The following CCBE1 variants were observed in gnomAD, a reference collection of about 807,000 sequenced individuals.
CCBE1 encodes collagen and calcium-binding EGF domain-containing protein 1.
A neutral mutation model predicts 50.0 loss-of-function variants in CCBE1; 37 were observed. The ratio of observed to expected loss-of-function variants is 0.74; its 90% CI spans 0.57 to 0.97. The LOEUF (loss-of-function observed/expected upper bound fraction) is 0.97. Among genes scored for constraint, CCBE1 ranks in the 50% least tolerant of loss-of-function variants. The pLI is 0.00. For synonymous variants in CCBE1, 234 were observed against 203.7 expected (o/e 1.15, Z -1.27); for missense variants, 538 against 523.8 (o/e 1.03, Z -0.26).
At chr18:59,473,658 A>C (rs1430759376) in intron 3 of CCBE1, among the ~76,000 whole-genome samples, 1 of 133,706 alleles carries the variant, frequency 7.5e-6, no homozygotes, top group Non-Finnish European at 1.6e-5. Flanking sequence ...CAACCCTCCC[A>C]CTATTTCCGC....
At chr18:59,613,999 G>GA (rs1287479271) in intron 2 of CCBE1, among the ~76,000 whole-genome samples, 3 of 150,214 alleles carry the variant, frequency 2.0e-5, no homozygotes, top group African/African-American at 7.3e-5. Flanking sequence ...TCAGCCACCT[G>GA]AGTACCTGGG....
intron 2 of CCBE1, among the ~76,000 whole-genome samples, chr18:59,510,278 C>CTA (rs1458539985): frequency 6.6e-6 from 1 of 152,122 alleles, no homozygotes; most frequent in Non-Finnish European, 1.5e-5. Context: ...GAGCAGGGTG[C>CTA]TATGTTTATT....
intron 2 of CCBE1, among the ~76,000 whole-genome samples, chr18:59,523,063 C>T (rs1240548465): frequency 1.3e-5 from 2 of 150,572 alleles, no homozygotes; most frequent in East Asian, 1.9e-4. Context: ...ATTCAAAAAC[C>T]TGCTGTACTC....
chr18:59,620,538 C>T (rs2053698351), intron 2 of CCBE1, among the ~76,000 whole-genome samples: 1 of 152,034 alleles, frequency 6.6e-6, no homozygotes, highest in African/African-American at 2.4e-5. Context: ...GTGTCCCCAC[C>T]CAAATTCCAT....
At chr18:59,569,621 TC>T (rs202011024) in intron 2 of CCBE1, among the ~76,000 whole-genome samples, 2,651 of 135,256 alleles carry the variant, frequency 0.02, 63 homozygotes, top group African/African-American at 0.07. Context: ...GCAATTCATC[TC>T]CCCCCGCCCT....
At chr18:59,467,460 T>G (rs1911805673) in intron 4 of CCBE1, among the ~76,000 whole-genome samples, 1 of 152,126 alleles carries the variant, frequency 6.6e-6, no homozygotes, top group Non-Finnish European at 1.5e-5. Flanking sequence ...ATAGTCATAA[T>G]GGGTCTAATG....
chr18:59,485,584 A>ATATTTATTTATT (rs60888501), intron 2 of CCBE1, among the ~76,000 whole-genome samples: 6,448 of 140,826 alleles, frequency 0.046, 183 homozygotes, highest in Middle Eastern at 0.069. Flanking sequence ...GATATATCAG[A>ATATTTATTTATT]TATTTATTTA....
intron 2 of CCBE1, among the ~76,000 whole-genome samples, chr18:59,641,422 A>G (rs1304867671): frequency 1.3e-5 from 2 of 152,118 alleles, no homozygotes; most frequent in East Asian, 3.9e-4. Flanking sequence ...CAAATAAGGG[A>G]ACAACAGACT....
At chr18:59,543,956 AAAATGTC>A (rs1915585318) in intron 2 of CCBE1, among the ~76,000 whole-genome samples, 1 of 152,180 alleles carries the variant, frequency 6.6e-6, no homozygotes, top group African/African-American at 2.4e-5. Context: ...CCTTTCATGC[AAAATGTC>A]AAATTTCAAA....
At chr18:59,589,146 T>G (rs527979687) in intron 2 of CCBE1, among the ~76,000 whole-genome samples, 1 of 151,820 alleles carries the variant, frequency 6.6e-6, no homozygotes, top group South Asian at 2.1e-4. Context: ...AAAGGGAGAG[T>G]GAATCTCTTT....
intron 2 of CCBE1, among the ~76,000 whole-genome samples, chr18:59,621,514 C>T (rs1454941847): frequency 6.6e-6 from 1 of 152,208 alleles, no homozygotes; most frequent in African/African-American, 2.4e-5. Context: ...ATAACCCCCA[C>T]TAATAATTGC....
At chr18:59,504,588 G>A (rs1440454681) in intron 2 of CCBE1, among the ~76,000 whole-genome samples, 1 of 152,122 alleles carries the variant, frequency 6.6e-6, no homozygotes, top group Non-Finnish European at 1.5e-5. Flanking sequence ...AAATAAAGAT[G>A]GGGGCAGAGA....
intron 2 of CCBE1, among the ~76,000 whole-genome samples, chr18:59,534,961 T>C (rs985819866): frequency 6.6e-6 from 1 of 152,202 alleles, no homozygotes; most frequent in Non-Finnish European, 1.5e-5. Context: ...AATTCCCAAA[T>C]TGAAAACTAT....
chr18:59,603,654 C>T (rs886260110), intron 2 of CCBE1, among the ~76,000 whole-genome samples: 1 of 152,176 alleles, frequency 6.6e-6, no homozygotes, highest in Non-Finnish European at 1.5e-5. Context: ...CATTATCTTC[C>T]TACTACAAAG....
intron 7 of CCBE1, among the ~76,000 whole-genome samples, chr18:59,442,952 T>A (rs1369220909): frequency 6.6e-6 from 1 of 152,048 alleles, no homozygotes; most frequent in East Asian, 1.9e-4. Context: ...CTTCTATGTA[T>A]CTATGTGACC....
At chr18:59,484,300 G>C (rs1336585049) in intron 2 of CCBE1, among the ~76,000 whole-genome samples, 1 of 152,166 alleles carries the variant, frequency 6.6e-6, no homozygotes, top group Non-Finnish European at 1.5e-5. Flanking sequence ...TGGATACAAG[G>C]GGGAAAAACC....
In CCBE1 at chr18:59,683,380, C is replaced by G. The variant is rs149052462; in HGVS notation, c.212+13249G>C. Among the ~76,000 whole-genome samples the G allele has an allele frequency of 3.9e-4, 59 of 152,294 alleles. 1 individual carries two copies. Among genetic ancestry groups the G allele is most frequent in the Admixed American group, 3.3e-4 (5 of 15,294 alleles). ...CAAGTCATACATTTAAAAGGCTGAA[C>G]AGTGGGAATTTTTCTTTTTTTAAAA... On this transcript the variant is annotated intron_variant, in intron 2 of 10. Transcript: ENST00000439986.
intron 5 of CCBE1, chr18:59,458,993 A>C (rs1250406768): frequency 6.6e-6 from 1 of 152,180 alleles, no homozygotes; most frequent in Non-Finnish European, 1.5e-5. Context: ...TTTAAATTGG[A>C]CAAGTCATGG....
At chr18:59,615,183 G>A (rs1015211308) in intron 2 of CCBE1, among the ~76,000 whole-genome samples, 32 of 152,286 alleles carry the variant, frequency 2.1e-4, no homozygotes, top group African/African-American at 6.3e-4. Context: ...CTTCCACTCC[G>A]TGGAAGTGAC....
Sources: allele counts gnomAD v4.1 joint callset (sites outside exome capture counted in the v4.1 genomes callset), GRCh38; gene constraint gnomAD v4.1.1; transcripts MANE v1.5; gene names NCBI Gene and HGNC (gene_info 2026-07-23, HGNC 2026-07-21).